FSIP2: variants seen among roughly 807,000 people sequenced by gnomAD.
FSIP2 encodes the protein fibrous sheath interacting protein 2.
Under a neutral mutation model 510.5 loss-of-function variants are expected in FSIP2, and 367 were observed. That is an observed-to-expected ratio of 0.72 (90% CI 0.66 to 0.78). The LOEUF (loss-of-function observed/expected upper bound fraction) is 0.78, where lower values mean the gene tolerates loss of function less well. Among genes scored for constraint, FSIP2 ranks in the 30% least tolerant of loss-of-function variants. The probability of loss-of-function intolerance (pLI) is 0.00; values close to 1 mark genes in which losing one functional copy is unlikely to be tolerated. For synonymous variants in FSIP2, 2,601 were observed against 2,732.2 expected, an observed-to-expected ratio of 0.95 and a Z score of 1.50; for missense variants, 7,594 against 7,901.7, an observed-to-expected ratio of 0.96 and a Z score of 1.48.
Position 185,804,798 on chromosome 2 carries a change from A to T in FSIP2, c.15492A>T (p.Glu5164Asp). 6.5e-7 allele frequency: 1 copy of T among 1,532,920 alleles called. No individual in the cohort carries two copies. Among genetic ancestry groups the T allele is most frequent in the Non-Finnish European group, 8.7e-7 (1 of 1,144,862 alleles). The allele number at this position is 1,532,920 out of a possible 1,614,324, so 95.0% of individuals were successfully genotyped here. Residue 5164 changes from glutamate (E) to aspartate (D), a missense_variant, in exon 17 of 23, where the codon GAA (glutamate) becomes GAT (aspartate). Glu to Asp is a conservative substitution (Grantham distance 45). Transcript: ENST00000424728. ...AATTGACTGATGAAATTATAAAAGA[A>T]ATTTCTGAACATGAGATTCGACTTT... ...ASKLTDEIIK[E>D]ISEHEIRLSM... is the part of the protein sequence containing the mutation.
At position 185,799,880 on chromosome 2, in the gene FSIP2, A is replaced by C; in HGVS notation, c.10574A>C (p.Glu3525Ala). Residue 3525 changes from glutamate to alanine, a missense_variant, in exon 17 of 23, where the codon GAG becomes GCG. Transcript: ENST00000424728. ...SDGTKKGREK[E>A]KAWEIQEATF... ...GGCACCAAAAAGGGTAGAGAAAAAG[A>C]GAAAGCATGGGAAATTCAAGAAGCA... is the stretch of plus-strand genomic sequence containing the variant. 6.5e-7 allele frequency: 1 copy of C among 1,533,822 alleles called. No individual in the cohort carries two copies. Among genetic ancestry groups the C allele is most frequent in the Non-Finnish European group, 8.7e-7 (1 of 1,145,488 alleles).
At chr2:185,817,777 G>T (rs2105673427) in intron 19 of FSIP2, among the ~76,000 whole-genome samples, 1 of 152,044 alleles carries the variant, frequency 6.6e-6, no homozygotes, top group Admixed American at 6.6e-5. Flanking sequence ...ACATGGCAAA[G>T]ACTTTAAGAC....
At chr2:185,759,373 CTACT>C (rs1044926720) in intron 9 of FSIP2, among the ~76,000 whole-genome samples, 104 of 147,328 alleles carry the variant, frequency 7.1e-4, no homozygotes, top group Non-Finnish European at 2.7e-4. Flanking sequence ...TGGATAAACT[CTACT>C]TATTCATAAT....
chr2:185,761,259 G>A (rs1044848116), intron 10 of FSIP2, among the ~76,000 whole-genome samples, 156 bp downstream of exon 10: 9 of 151,126 alleles, frequency 6.0e-5, no homozygotes, highest in Admixed American at 2.0e-4. Context: ...GGCAGAAAAA[G>A]TGTTAAGTTA....
rs998390356 is a variant in FSIP2, at chr2:185,792,055, A to G, written c.4919A>G (p.Tyr1640Cys). The G allele has an allele frequency of 8.5e-6, 13 of 1,533,750 alleles. No homozygotes were observed. Among genetic ancestry groups the G allele is most frequent in the African/African-American group, 1.4e-5 (1 of 72,884 alleles). The change falls in exon 16 of 23, where the codon TAT becomes TGT. Residue 1640 changes from tyrosine (Y) to cysteine (C), a missense_variant. Transcript: ENST00000424728. ...THEASFLSAL[Y>C]MHAKKVSSAI... ...GAAGCATCATTTCTGTCTGCTTTAT[A>G]TATGCATGCAAAGAAGGTATCAAGT...
At chr2:185,745,691 T>C (rs1316268023) in intron 5 of FSIP2, 123 bp downstream of exon 5, 2 of 856,672 alleles carry the variant, frequency 2.3e-6, no homozygotes, top group Non-Finnish European at 3.3e-6. Flanking sequence ...CCTCAGAGTG[T>C]AGAGGAAGGA....
chr2:185,789,070 C>A lies in FSIP2; in HGVS notation c.1934C>A (p.Ser645Ter). 6.5e-7 allele frequency: 1 copy of A among 1,534,494 alleles called. No homozygotes were observed. Among genetic ancestry groups the A allele is most frequent in the South Asian group, 1.2e-5 (1 of 84,020 alleles). ...TACCCTAAGCTCAGAAGTTGTAAAT[C>A]AGATAGTCACCTTTTAGCATCATTT... Reference protein sequence around the residue: ...YSYPKLRSCKSDSHLLASFET... With the variant: ...YSYPKLRSCK The change falls in exon 16 of 23, where the codon TCA becomes TAA. Residue 645 changes from serine (S) to a stop codon, truncating the protein, a stop_gained. Coordinates refer to ENST00000424728, the MANE Select transcript of FSIP2 (RefSeq NM_173651.4). LOFTEE classifies it high-confidence loss of function.
rs1693059244 is a variant in FSIP2 at position 185,789,220 on chromosome 2, A to ACTT, written c.2085_2087dup (p.Phe696dup). 1 of 1,534,116 alleles carries ACTT rather than the reference A, an allele frequency of 6.5e-7. No homozygotes were observed. The highest frequency in any genetic ancestry group is 1.4e-5 in the African/African-American group (1 of 72,910). On this transcript the variant is annotated inframe_insertion, in exon 16 of 23. Coordinates refer to ENST00000424728, the MANE Select transcript of FSIP2 (RefSeq NM_173651.4). ...AAGAATTTAAAAAATGTTTTTGTTAACTTTAAATGTTACTTGAAAGGGGAA... is the reference window on the plus strand; with the variant it reads ...AAGAATTTAAAAAATGTTTTTGTTAACTTCTTTAAATGTTACTTGAAAGGGGAA...
chr2:185,747,356 A>T lies in FSIP2; in HGVS notation c.803A>T (p.Glu268Val), dbSNP rs913116238. 2.9e-5 allele frequency: 44 copies of T among 1,532,964 alleles called. No homozygotes were observed. Among genetic ancestry groups the T allele is most frequent in the Non-Finnish European group, 3.8e-5 (43 of 1,144,170 alleles). The allele number at this position is 1,532,964 out of a possible 1,614,324, so 95.0% of individuals were successfully genotyped here. A position where few individuals can be genotyped will look rare whatever the true frequency, so the allele number is the denominator to read the frequency against. Residue 268 changes from glutamate to valine, a missense_variant, in exon 7 of 23, where the codon GAA (glutamate) becomes GTA (valine). Transcript: ENST00000424728. ...KEMLLLTRMA[E>V]DVKREERIEE... ...ATGTTACTTCTGACAAGGATGGCAG[A>T]AGATGTTAAAAGAGAAGAGAGGATA...
At position 185,802,140 on chromosome 2, in the gene FSIP2, G is replaced by A. The variant is rs1404214098; in HGVS notation, c.12834G>A (p.Val4278=). ...ATCCAAGGACTCCACTGGATCCAGT[G>A]TCTACTATTGTTACACAGGTTCTGA... The part of the protein sequence containing the change: ...LCHPRTPLDP[V]STIVTQVLSE... The change falls in exon 17 of 23, where the codon GTG becomes GTA. Residue 4278 remains valine, a synonymous_variant. Coordinates refer to ENST00000424728, the MANE Select transcript of FSIP2 (RefSeq NM_173651.4). The A allele has an allele frequency of 6.5e-7, 1 of 1,533,294 alleles. No homozygotes were observed. Among genetic ancestry groups the A allele is most frequent in the South Asian group, 1.2e-5 (1 of 83,952 alleles). The allele number at this position is 1,533,294 out of a possible 1,614,324, so 95.0% of individuals were successfully genotyped here. A position where few individuals can be genotyped will look rare whatever the true frequency, so the allele number is the denominator to read the frequency against.
chr2:185,817,006 A>AGGGGGT lies in FSIP2; in HGVS notation c.20426+1536_20426+1537insGGGGTG, dbSNP rs1693840654. The stretch of plus-strand genomic sequence containing the variant: ...AAAGGAAGGGAAGAAGGGGAGGGAG[A>AGGGGGT]GAGGGGTGAAGAAAGGGAAGGAGCA... On this transcript the variant is annotated intron_variant, in intron 19 of 22. Coordinates refer to ENST00000424728, the MANE Select transcript of FSIP2 (RefSeq NM_173651.4). Among the ~76,000 whole-genome samples, 5 of 136,090 alleles carry AGGGGGT rather than the reference A, an allele frequency of 3.7e-5. No homozygotes were observed. The South Asian group carries it at 1.4e-3, about 39-fold the overall frequency. The allele number at this position is 136,090 out of a possible 152,430, so 89.3% of individuals were successfully genotyped here. A position where few individuals can be genotyped will look rare whatever the true frequency, so the allele number is the denominator to read the frequency against.
chr2:185,745,256 C>T (rs1010596782), intron 4 of FSIP2, among the ~76,000 whole-genome samples, 173 bp from the exon 5 acceptor site: 2 of 151,874 alleles, frequency 1.3e-5, no homozygotes, highest in African/African-American at 4.8e-5. Context: ...CTTTTATTTT[C>T]AGAGATAAAT....
In FSIP2 at chr2:185,805,523, T is replaced by A. The variant is rs925781180; in HGVS notation, c.16217T>A (p.Phe5406Tyr). The A allele has an allele frequency of 1.2e-6, 2 of 1,611,498 alleles. No individual in the cohort carries two copies. Among genetic ancestry groups the A allele is most frequent in the Non-Finnish European group, 1.7e-6 (2 of 1,178,474 alleles). ...TTTTCAGGAGACTGGTCTTCCACCT[T>A]CTTTTCATTTCTAAATCCAGATAAT... is the stretch of plus-strand genomic sequence containing the variant. ...PLFSGDWSST[F>Y]FSFLNPDNIT... The change falls in exon 17 of 23, where the codon TTC becomes TAC. Residue 5406 changes from phenylalanine (F) to tyrosine (Y), a missense_variant. Phe to Tyr is a conservative substitution (Grantham distance 22). Transcript: ENST00000424728.
Position 185,801,247 on chromosome 2 carries a change from T to C in FSIP2, c.11941T>C (p.Ser3981Pro). Residue 3981 changes from serine to proline, a missense_variant, in exon 17 of 23, where the codon TCA (serine) becomes CCA (proline). By Grantham distance (74) the Ser-to-Pro change is moderately conservative. Transcript: ENST00000424728. ...YSATFLEGII[S>P]ELFFNLSMSL... ...AGCCACATTTTTGGAAGGAATAATTTCAGAATTGTTTTTTAATCTCTCTAT... is the reference window on the plus strand; with the variant it reads ...AGCCACATTTTTGGAAGGAATAATTCCAGAATTGTTTTTTAATCTCTCTAT... The C allele has an allele frequency of 6.5e-7, 1 of 1,534,214 alleles. No individual in the cohort carries two copies. Among genetic ancestry groups the C allele is most frequent in the Non-Finnish European group, 8.7e-7 (1 of 1,145,562 alleles).
At chr2:185,742,281 A>C (rs1384600192) in intron 2 of FSIP2, among the ~76,000 whole-genome samples, 1 of 152,174 alleles carries the variant, frequency 6.6e-6, no homozygotes, top group Non-Finnish European at 1.5e-5. Flanking sequence ...CTATTGAAAA[A>C]CTGAGAACTC....
chr2:185,805,637 A>G lies in FSIP2; in HGVS notation c.16331A>G (p.Gln5444Arg). Residue 5444 changes from glutamine (Q) to arginine (R), a missense_variant, in exon 17 of 23, where the codon CAA (glutamine) becomes CGA (arginine). Gln to Arg is a conservative substitution (Grantham distance 43, BLOSUM62 1). Transcript: ENST00000424728. ...GAGAACCAACTTTCTTTACCAGATCAATCATATAAAGATACTTCTTCCACC... is the reference window on the plus strand; with the variant it reads ...GAGAACCAACTTTCTTTACCAGATCGATCATATAAAGATACTTCTTCCACC... The part of the protein sequence containing the change: ...AKENQLSLPD[Q>R]SYKDTSSTPD... The G allele has an allele frequency of 6.2e-7, 1 of 1,609,630 alleles. No individual in the cohort carries two copies. Among genetic ancestry groups the G allele is most frequent in the East Asian group, 2.2e-5 (1 of 44,772 alleles).
At position 185,792,533 on chromosome 2, in the gene FSIP2, CCTTT is replaced by C. The variant is rs747364752; in HGVS notation, c.5400_5403del (p.Leu1802ProfsTer27). 2 of 1,527,428 alleles carry C rather than the reference CCTTT, an allele frequency of 1.3e-6. No individual in the cohort carries two copies. The highest frequency in any genetic ancestry group is 1.8e-6 in the Non-Finnish European group (2 of 1,139,926). The allele number at this position is 1,527,428 out of a possible 1,614,324, so 94.6% of individuals were successfully genotyped here. ...GTACTTTAATCAATCAATTAAATGT[CCTTT>C]CTCTCTCCCACTCTAATTTTAATGG... On this transcript the variant is annotated frameshift_variant, in exon 16 of 23. Coordinates refer to ENST00000424728, the MANE Select transcript of FSIP2 (RefSeq NM_173651.4). LOFTEE classifies it high-confidence loss of function.
Position 185,807,149 on chromosome 2 carries a change from GACTA to G in FSIP2, c.17848_17851del (p.Thr5950ValfsTer3), listed in dbSNP as rs1218420198. The G allele has an allele frequency of 1.6e-5, 25 of 1,602,794 alleles. No homozygotes were observed. Among genetic ancestry groups the G allele is most frequent in the African/African-American group, 2.7e-5 (2 of 74,128 alleles). On this transcript the variant is annotated frameshift_variant, in exon 17 of 23. Coordinates refer to ENST00000424728, the MANE Select transcript of FSIP2 (RefSeq NM_173651.4). LOFTEE classifies it high-confidence loss of function. The stretch of plus-strand genomic sequence containing the variant: ...AGTAATGGAGAAAATTTAGCAAGAA[GACTA>G]ACTAGTGCAGTGATAAATGAAATTT...
intron 6 of FSIP2, 23 bp downstream of exon 6, chr2:185,746,833 T>C: frequency 6.1e-6 from 9 of 1,465,522 alleles, no homozygotes; most frequent in Non-Finnish European, 8.1e-6. Flanking sequence ...AACTTTAAAA[T>C]ATTAACAGAA....
Sources: allele counts gnomAD v4.1 joint callset (sites outside exome capture counted in the v4.1 genomes callset), GRCh38; gene constraint gnomAD v4.1.1; transcripts MANE v1.5; gene names NCBI Gene and HGNC (gene_info 2026-07-23, HGNC 2026-07-21).